The following KIAA1958 variants were observed in gnomAD, a reference collection of about 807,000 sequenced individuals.
KIAA1958 encodes the protein KIAA1958.
Under a neutral mutation model 47.2 loss-of-function variants are expected in KIAA1958, and 14 were observed. The ratio of observed to expected loss-of-function variants is 0.30; its 90% CI spans 0.20 to 0.46. KIAA1958 has a LOEUF of 0.46. Ranked by LOEUF, KIAA1958 falls within the 20% of genes least tolerant of loss-of-function variation. The pLI is 1.00. For synonymous variants in KIAA1958, 354 were observed against 353.3 expected (o/e 1.00, Z -0.02); for missense variants, 803 against 909.2 (o/e 0.88, Z 1.50).
At chr9:112,628,074 T>TG (rs1301242354) in intron 2 of KIAA1958, among the ~76,000 whole-genome samples, 2 of 152,068 alleles carry the variant, frequency 1.3e-5, no homozygotes, top group African/African-American at 2.4e-5. Context: ...TTAAAATGAG[T>TG]GGGGGGAAGC....
intron 1 of KIAA1958, among the ~76,000 whole-genome samples, chr9:112,570,313 G>A (rs981559912): frequency 3.3e-5 from 5 of 152,176 alleles, no homozygotes; most frequent in African/African-American, 4.8e-5. Flanking sequence ...GGTGCTATAC[G>A]TGAAGGGGCA....
At position 112,575,070 on chromosome 9, in the gene KIAA1958, G is replaced by A. The variant is rs142879803; in HGVS notation, c.990G>A (p.Leu330=). The A allele has an allele frequency of 6.2e-6, 10 of 1,613,206 alleles. No homozygotes were observed. The highest frequency in any genetic ancestry group is 3.3e-5 in the Admixed American group (2 of 59,996). The change falls in exon 2 of 4, where the codon CTG becomes CTA. Residue 330 remains leucine, a synonymous_variant. Coordinates refer to ENST00000337530, the MANE Select transcript of KIAA1958 (RefSeq NM_133465.4). ...QISIPLSALQ[L]PGQDEQVASE... ...GTATCCCCTTGTCTGCCCTGCAGCT[G>A]CCTGGACAGGATGAGCAAGTTGCCT...
At chr9:112,561,302 C>CGAT (rs112600284) in intron 1 of KIAA1958, among the ~76,000 whole-genome samples, 1 of 152,118 alleles carries the variant, frequency 6.6e-6, no homozygotes, top group African/African-American at 2.4e-5. Context: ...GATCTGCCTG[C>CGAT]CTCGGCCTCC....
chr9:112,513,329 A>G (rs1834354723), intron 1 of KIAA1958, among the ~76,000 whole-genome samples: 1 of 144,476 alleles, frequency 6.9e-6, no homozygotes, highest in Admixed American at 7.0e-5. Context: ...TGCATTTAGC[A>G]AGTGAGACAA....
intron 1 of KIAA1958, among the ~76,000 whole-genome samples, chr9:112,500,167 A>T (rs777367486): frequency 3.2e-4 from 48 of 151,602 alleles, no homozygotes; most frequent in Admixed American, 4.6e-4. Flanking sequence ...AGTGGTGCGA[A>T]CTCAGCTCAC....
At position 112,575,209 on chromosome 9, in the gene KIAA1958, G is replaced by A. The variant is rs747611480; in HGVS notation, c.1129G>A (p.Ala377Thr). 94 of 1,573,128 alleles carry A rather than the reference G, an allele frequency of 6.0e-5. No homozygotes were observed. The highest frequency in any genetic ancestry group is 8.2e-5 in the South Asian group (7 of 85,216). The part of the protein sequence containing the change: ...VSSSQQQPPV[A>T]PAITTEATAQ... ...CTCCAGTCAGCAGCAGCCCCCAGTCGCTCCAGCCATAACCACTGAGGCCAC... is the reference window on the plus strand; with the variant it reads ...CTCCAGTCAGCAGCAGCCCCCAGTCACTCCAGCCATAACCACTGAGGCCAC... The change falls in exon 2 of 4, where the codon GCT becomes ACT. Residue 377 changes from alanine to threonine, a missense_variant. Ala to Thr is a moderately conservative substitution (Grantham distance 58). This residue lies in a region of KIAA1958 where 761 missense variants were observed against 829.3 expected (regional missense o/e 0.92). Coordinates refer to ENST00000337530, the MANE Select transcript of KIAA1958 (RefSeq NM_133465.4).
chr9:112,512,119 A>G (rs144708439), intron 1 of KIAA1958, among the ~76,000 whole-genome samples: 1 of 152,344 alleles, frequency 6.6e-6, no homozygotes, highest in Admixed American at 6.5e-5. Flanking sequence ...TATTAATTAT[A>G]TTCTAACTCT....
intron 2 of KIAA1958, among the ~76,000 whole-genome samples, chr9:112,586,327 A>AT (rs542958746): frequency 3.1e-4 from 47 of 152,242 alleles, no homozygotes; most frequent in Non-Finnish European, 6.0e-4. Flanking sequence ...AGCTAAAAAT[A>AT]ACAAGCCTAG....
At chr9:112,588,980 A>G (rs574033738) in intron 2 of KIAA1958, among the ~76,000 whole-genome samples, 27 of 151,462 alleles carry the variant, frequency 1.8e-4, no homozygotes, top group Admixed American at 5.3e-4. Flanking sequence ...AGATCTCACT[A>G]TGTTGCCCAG....
chr9:112,553,846 AT>A, intron 1 of KIAA1958, among the ~76,000 whole-genome samples: 1 of 152,230 alleles, frequency 6.6e-6, no homozygotes, highest in East Asian at 1.9e-4. Flanking sequence ...AACCATGTTT[AT>A]TTTTTGTGCA....
chr9:112,569,306 A>G lies in KIAA1958; in HGVS notation c.-24-4751A>G, dbSNP rs376287134. Among the ~76,000 whole-genome samples the G allele has an allele frequency of 4.9e-4, 74 of 152,348 alleles. 1 individual carries two copies. The South Asian group carries it at 0.011, about 23-fold the overall frequency. On this transcript the variant is annotated intron_variant, in intron 1 of 3. Transcript: ENST00000337530. ...CTCATACAGAGACCACAAATTTGGC[A>G]GAAGCAATACTGGTGATGAAACAGC... is the stretch of plus-strand genomic sequence containing the variant.
intron 1 of KIAA1958, among the ~76,000 whole-genome samples, chr9:112,533,848 G>A (rs867282419): frequency 5.9e-5 from 9 of 152,092 alleles, no homozygotes; most frequent in Non-Finnish European, 1.3e-4. Context: ...TTGACACGTG[G>A]GGATTGTGGG....
intron 1 of KIAA1958, among the ~76,000 whole-genome samples, chr9:112,521,803 T>A (rs1035343773): frequency 6.6e-6 from 1 of 152,078 alleles, no homozygotes; most frequent in Non-Finnish European, 1.5e-5. Context: ...TTTAGTTTTT[T>A]AAAAAAATCA....
chr9:112,593,891 G>A (rs796286511), intron 2 of KIAA1958, among the ~76,000 whole-genome samples: 1 of 150,288 alleles, frequency 6.7e-6, no homozygotes, highest in African/African-American at 2.5e-5. Flanking sequence ...AGACAGCAGA[G>A]TCTTGCTCTG....
intron 1 of KIAA1958, among the ~76,000 whole-genome samples, chr9:112,520,788 C>T (rs1834525820): frequency 6.6e-6 from 1 of 152,122 alleles, no homozygotes; most frequent in Non-Finnish European, 1.5e-5. Context: ...CCTGAGTTTT[C>T]CTTCTAGGAA....
chr9:112,534,986 A>G (rs1834826786), intron 1 of KIAA1958, among the ~76,000 whole-genome samples: 1 of 152,218 alleles, frequency 6.6e-6, no homozygotes, highest in African/African-American at 2.4e-5. Flanking sequence ...TTAATTGACA[A>G]ATAAAAATTG....
chr9:112,507,236 C>T (rs912445217), intron 1 of KIAA1958, among the ~76,000 whole-genome samples: 4 of 152,138 alleles, frequency 2.6e-5, no homozygotes, highest in Non-Finnish European at 4.4e-5. Context: ...CTCAAATAGC[C>T]CCTGTATCCT....
At position 112,561,613 on chromosome 9, in the gene KIAA1958, G is replaced by A. The variant is rs554810697; in HGVS notation, c.-24-12444G>A. On this transcript the variant is annotated intron_variant, in intron 1 of 3. Coordinates refer to ENST00000337530, the MANE Select transcript of KIAA1958 (RefSeq NM_133465.4). Reference sequence around the variant, plus strand: ...CTCACCCCTGTAATCCCAGCACTCTGGGAGGCTGAGGCGGGCATATCACCT... The same window carrying A: ...CTCACCCCTGTAATCCCAGCACTCTAGGAGGCTGAGGCGGGCATATCACCT... Among the ~76,000 whole-genome samples the A allele has an allele frequency of 2.5e-3, 381 of 152,280 alleles. 3 individuals carry two copies. The highest frequency in any genetic ancestry group is 8.9e-3 in the African/African-American group (368 of 41,578).
At chr9:112,590,202 T>G (rs2131189269) in intron 2 of KIAA1958, among the ~76,000 whole-genome samples, 1 of 152,310 alleles carries the variant, frequency 6.6e-6, no homozygotes, top group Non-Finnish European at 1.5e-5. Flanking sequence ...TGAATGATTT[T>G]ATTCACTTTA....
Sources: allele counts gnomAD v4.1 joint callset (sites outside exome capture counted in the v4.1 genomes callset), GRCh38; gene constraint gnomAD v4.1.1; regional missense constraint gnomAD v4.1.1; transcripts MANE v1.5; gene names NCBI Gene and HGNC (gene_info 2026-07-23, HGNC 2026-07-21).